VAPB: variants seen among roughly 807,000 people sequenced by gnomAD.
The protein encoded by VAPB is VAMP associated protein B and C.
In VAPB, 7 loss-of-function variants were observed where a neutral mutation model predicts 25.6. The ratio of observed to expected loss-of-function variants is 0.27; its 90% CI spans 0.16 to 0.51. The LOEUF is 0.51. Ranked by LOEUF, VAPB falls within the 20% of genes least tolerant of loss-of-function variation. The pLI, the probability that VAPB is intolerant of heterozygous loss-of-function variation, is 0.97. For missense variants in VAPB, 266 were observed against 301.3 expected (o/e 0.88, Z 0.87); for synonymous variants, 112 against 109.2 (o/e 1.03, Z -0.16).
chr20:58,434,895 T>G (rs1217318637), intron 3 of VAPB, among the ~76,000 whole-genome samples, 190 bp downstream of exon 3: 1 of 151,560 alleles, frequency 6.6e-6, no homozygotes, highest in Non-Finnish European at 1.5e-5. Flanking sequence ...ATTTTAACAT[T>G]TTTTGTGACT....
chr20:58,394,055 G>A (rs1987886358), intron 1 of VAPB, among the ~76,000 whole-genome samples: 1 of 152,176 alleles, frequency 6.6e-6, no homozygotes, highest in Non-Finnish European at 1.5e-5. Flanking sequence ...ACATAACTGT[G>A]GATGCATTTA....
At chr20:58,424,863 C>T (rs1423441536) in intron 2 of VAPB, among the ~76,000 whole-genome samples, 1 of 152,212 alleles carries the variant, frequency 6.6e-6, no homozygotes, top group Non-Finnish European at 1.5e-5. Context: ...CACAAAGACA[C>T]TTCAGTGTTA....
At chr20:58,407,167 G>A (rs1988250595) in intron 1 of VAPB, among the ~76,000 whole-genome samples, 2 of 151,694 alleles carry the variant, frequency 1.3e-5, no homozygotes, top group Non-Finnish European at 2.9e-5. Flanking sequence ...TTTCTATTAC[G>A]AAAAAAAATC....
At chr20:58,416,907 G>C (rs1988553153) in intron 1 of VAPB, among the ~76,000 whole-genome samples, 2 of 152,176 alleles carry the variant, frequency 1.3e-5, no homozygotes, top group South Asian at 4.1e-4. Context: ...CAGCCACAGT[G>C]CTGGGGCTAC....
chr20:58,414,316 G>A (rs1432227485), intron 1 of VAPB, among the ~76,000 whole-genome samples: 5 of 147,090 alleles, frequency 3.4e-5, no homozygotes, highest in East Asian at 2.1e-4. Flanking sequence ...CTGGCCTGGC[G>A]GGGGGCTGAC....
chr20:58,415,805 A>G (rs915579619), intron 1 of VAPB, among the ~76,000 whole-genome samples: 19 of 152,252 alleles, frequency 1.2e-4, no homozygotes, highest in African/African-American at 4.3e-4. Flanking sequence ...ATAAGCTTTT[A>G]CATCATTTTT....
chr20:58,433,916 A>G (rs1219153898), intron 2 of VAPB, among the ~76,000 whole-genome samples: 1 of 151,956 alleles, frequency 6.6e-6, no homozygotes, highest in Non-Finnish European at 1.5e-5. Flanking sequence ...GCCCAGCTGT[A>G]CTCTAGGAAG....
chr20:58,389,505 C>T lies in VAPB; in HGVS notation c.46C>T (p.Leu16Phe). Residue 16 changes from leucine (L) to phenylalanine (F), a missense_variant, in exon 1 of 6, where the codon CTC becomes TTC. Physicochemically the swap from Leu to Phe is conservative, Grantham distance 22. Around this residue, in one of 3 missense-constraint regions of VAPB, gnomAD observed 32 missense variants for 23.5 expected, o/e 1.36. Transcript: ENST00000475243. ...CCTGAGCCTCGAGCCGCAGCACGAG[C>T]TCAAATTCCGAGGTAAGCCCCAGAG... ...QVLSLEPQHE[L>F]KFRGPFTDVV... 1 of 1,592,042 alleles carries T rather than the reference C, an allele frequency of 6.3e-7. No homozygotes were observed. Among genetic ancestry groups the T allele is most frequent in the African/African-American group, 1.3e-5 (1 of 74,160 alleles).
In VAPB at chr20:58,449,796, C is replaced by T; in HGVS notation, c.*5561C>T. 1 of 454,120 alleles carries T rather than the reference C, an allele frequency of 2.2e-6. No individual in the cohort carries two copies. The highest frequency in any genetic ancestry group is 1.6e-5 in the South Asian group (1 of 64,478). The allele number at this position is 454,120 out of a possible 1,614,324, so 28.1% of individuals were successfully genotyped here. A position where few individuals can be genotyped will look rare whatever the true frequency, so the allele number is the denominator to read the frequency against. Reference sequence around the variant, plus strand: ...AATGGATGTGGGTGCAGGACAGATGCTCGCTTGCTGGCCTGCTTTCCTGCT... The same window carrying T: ...AATGGATGTGGGTGCAGGACAGATGTTCGCTTGCTGGCCTGCTTTCCTGCT... On this transcript the variant is annotated 3_prime_UTR_variant, in exon 6 of 6. Transcript: ENST00000475243.
At chr20:58,431,279 T>C (rs1988921309) in intron 2 of VAPB, 1 of 152,224 alleles carries the variant, frequency 6.6e-6, no homozygotes, top group Non-Finnish European at 1.5e-5. Context: ...TATTGCATTG[T>C]ACACTCACAA....
rs558139694 is a variant in VAPB at position 58,394,233 on chromosome 20, GTTTGT to G, written c.58+4730_58+4734del. On this transcript the variant is annotated intron_variant, in intron 1 of 5. Coordinates refer to ENST00000475243, the MANE Select transcript of VAPB (RefSeq NM_004738.5). Reference sequence around the variant, plus strand: ...CTCTAAATGATAGTTTAAGGACGTTGTTTGTTTTGTTTTGTTTTTTGTATGGGAAA... The same window carrying G: ...CTCTAAATGATAGTTTAAGGACGTTGTTTGTTTTGTTTTTTGTATGGGAAA... Among the ~76,000 whole-genome samples the G allele has an allele frequency of 3.9e-3, 589 of 152,224 alleles. 1 individual carries two copies. Among genetic ancestry groups the G allele is most frequent in the African/African-American group, 0.013 (553 of 41,532 alleles).
rs557554513 is a variant in VAPB at position 58,450,779 on chromosome 20, A to C, written c.*6544A>C. ...TGTCTTAGAATGCTTTAGTTTTCAT[A>C]ATTTGTCCTTTATGTATTTTTCATT... On this transcript the variant is annotated 3_prime_UTR_variant, in exon 6 of 6. Coordinates refer to ENST00000475243, the MANE Select transcript of VAPB (RefSeq NM_004738.5). The C allele has an allele frequency of 2.2e-6, 1 of 454,050 alleles. No homozygotes were observed. Among genetic ancestry groups the C allele is most frequent in the South Asian group, 1.6e-5 (1 of 64,464 alleles). 28.1% of individuals were successfully genotyped at this position (454,050 alleles called of 1,614,324 possible).
chr20:58,417,475 A>G (rs1400763628), intron 1 of VAPB, among the ~76,000 whole-genome samples: 1 of 152,230 alleles, frequency 6.6e-6, no homozygotes, highest in Non-Finnish European at 1.5e-5. Context: ...AAAAAATCTA[A>G]TAAAGTAGGA....
chr20:58,401,073 TG>T (rs1172515985), intron 1 of VAPB, among the ~76,000 whole-genome samples: 2 of 152,220 alleles, frequency 1.3e-5, no homozygotes, highest in Non-Finnish European at 2.9e-5. Context: ...AGAGAAAAGG[TG>T]GAAGAAGCAT....
intron 2 of VAPB, among the ~76,000 whole-genome samples, chr20:58,424,750 C>G (rs1285099488): frequency 6.6e-6 from 1 of 152,242 alleles, no homozygotes; most frequent in Non-Finnish European, 1.5e-5. Context: ...GGAGACCTCA[C>G]TGTCAGCACA....
chr20:58,415,698 A>G (rs956590733), intron 1 of VAPB, among the ~76,000 whole-genome samples: 4 of 152,180 alleles, frequency 2.6e-5, no homozygotes, highest in African/African-American at 9.7e-5. Flanking sequence ...GTAAATATGC[A>G]TGTTGGTATA....
At position 58,447,527 on chromosome 20, in the gene VAPB, AG is replaced by A. The variant is rs1049266376; in HGVS notation, c.*3294del. On this transcript the variant is annotated 3_prime_UTR_variant, in exon 6 of 6. Transcript: ENST00000475243. The stretch of plus-strand genomic sequence containing the variant: ...ACCTAAACGCTTTCAAACAAATCCC[AG>A]GAACAGAATTGCTATCGAAAGATAT... 1.3e-5 allele frequency: 6 copies of A among 454,030 alleles called. No homozygotes were observed. The highest frequency in any genetic ancestry group is 2.3e-5 in the Admixed American group (1 of 42,562). The allele number at this position is 454,030 out of a possible 1,614,324, so 28.1% of individuals were successfully genotyped here. A position where few individuals can be genotyped will look rare whatever the true frequency, so the allele number is the denominator to read the frequency against.
At chr20:58,409,052 T>C (rs890958850) in intron 1 of VAPB, among the ~76,000 whole-genome samples, 2 of 152,128 alleles carry the variant, frequency 1.3e-5, no homozygotes, top group African/African-American at 4.8e-5. Context: ...AGAGGGTGCA[T>C]AGAGGAAGAA....
intron 1 of VAPB, among the ~76,000 whole-genome samples, chr20:58,411,709 C>T (rs531529717): frequency 6.6e-6 from 1 of 151,940 alleles, no homozygotes; most frequent in Admixed American, 6.5e-5. Flanking sequence ...GAGTCTCTTT[C>T]GCTCTGTCAC....
Sources: allele counts gnomAD v4.1 joint callset (sites outside exome capture counted in the v4.1 genomes callset), GRCh38; gene constraint gnomAD v4.1.1; regional missense constraint gnomAD v4.1.1; transcripts MANE v1.5; gene names NCBI Gene and HGNC (gene_info 2026-07-23, HGNC 2026-07-21).